Variants in PCBP3 observed in about 807,000 individuals in gnomAD.
PCBP3 encodes the protein poly(rC)-binding protein 3.
PCBP3 carries 25 observed loss-of-function variants against 52.7 expected under a neutral mutation model. The observed-to-expected ratio is 0.47, with a 90% confidence interval of 0.35 to 0.66. The LOEUF (loss-of-function observed/expected upper bound fraction) is 0.66. Ranked by LOEUF, PCBP3 falls within the 30% of genes least tolerant of loss-of-function variation. The pLI, the probability that PCBP3 is intolerant of heterozygous loss-of-function variation, is 0.01. For synonymous variants in PCBP3, 162 were observed against 183.0 expected (o/e 0.89, Z 0.93); for missense variants, 391 against 490.3 (o/e 0.80, Z 1.91).
chr21:45,839,600 T>C (rs1347018436), intron 4 of PCBP3, among the ~76,000 whole-genome samples: 1 of 152,258 alleles, frequency 6.6e-6, no homozygotes. Flanking sequence ...TTTTTCTCTT[T>C]AGTATCTTAA....
intron 7 of PCBP3, among the ~76,000 whole-genome samples, 156 bp downstream of exon 7, chr21:45,899,778 C>T (rs544602236): frequency 3.2e-4 from 48 of 152,230 alleles, no homozygotes; most frequent in African/African-American, 1.1e-3. Flanking sequence ...AGAGGTGTCG[C>T]CTTTATGCTG....
chr21:45,898,560 TCTACACGCCATCCTCACAGC>T (rs2095907589), intron 6 of PCBP3, among the ~76,000 whole-genome samples: 1 of 108,206 alleles, frequency 9.2e-6, no homozygotes, highest in East Asian at 4.5e-4. Context: ...CCAGCCTCCC[TCTACACGCCATCCTCACAGC>T]CTCCCTCTCC....
chr21:45,677,531 T>G (rs1376004445), intron 2 of PCBP3, among the ~76,000 whole-genome samples: 1 of 152,172 alleles, frequency 6.6e-6, no homozygotes, highest in Non-Finnish European at 1.5e-5. Context: ...AGAGAATAGA[T>G]GAAGGTAGCT....
intron 5 of PCBP3, among the ~76,000 whole-genome samples, chr21:45,879,285 A>T (rs1482751642): frequency 1.3e-5 from 2 of 152,244 alleles, no homozygotes; most frequent in Non-Finnish European, 2.9e-5. Flanking sequence ...GCGCCTGGCC[A>T]AGGAAATAGA....
chr21:45,813,267 C>G (rs902091522), intron 4 of PCBP3, among the ~76,000 whole-genome samples: 7 of 152,136 alleles, frequency 4.6e-5, no homozygotes, highest in African/African-American at 1.7e-4. Context: ...CTGTAGTTCC[C>G]TGGTTGCTTT....
rs2092738883 is a variant in PCBP3, at chr21:45,813,483, C to T, written c.-125-36478C>T. 3.3e-5 allele frequency among the ~76,000 whole-genome samples: 5 copies of T among 152,148 alleles called. No individual in the cohort carries two copies. The South Asian group carries it at 8.3e-4, about 25-fold the overall frequency. On this transcript the variant is annotated intron_variant, in intron 4 of 17. Transcript: ENST00000681687. ...TGGAAATGGAGTCTCCCTCTGTTGC[C>T]CAGGCTGGAGTGCAGTGGCACGATC...
At position 45,711,441 on chromosome 21, in the gene PCBP3, C is replaced by T. The variant is rs898262541; in HGVS notation, c.-199-23951C>T. Among the ~76,000 whole-genome samples, 4 of 152,158 alleles carry T rather than the reference C, an allele frequency of 2.6e-5. 1 individual carries two copies. In the South Asian group the frequency reaches 8.3e-4, roughly 32 times the overall value. ...CACACGGATTATTCTAGCCTTCTCC[C>T]CTTGCTGGCTTCTCACTCCAACAGT... On this transcript the variant is annotated intron_variant, in intron 2 of 17. Transcript: ENST00000681687.
rs574957186 is a variant in PCBP3, at chr21:45,928,795, A to T, written c.718-1122A>T. 1.3e-5 allele frequency among the ~76,000 whole-genome samples: 2 copies of T among 152,284 alleles called. No homozygotes were observed. The highest frequency in any genetic ancestry group is 2.9e-5 in the Non-Finnish European group (2 of 68,006). On this transcript the variant is annotated intron_variant, in intron 13 of 17. Transcript: ENST00000681687. The surrounding 1 kb of genome is among the most constrained non-coding windows in gnomAD (Gnocchi z 4.1). ...GGGTCGCAGGAGTCCACACACAGCCACGCTGGGATTTATTTGGGTTGAATG... is the reference window on the plus strand; with the variant it reads ...GGGTCGCAGGAGTCCACACACAGCCTCGCTGGGATTTATTTGGGTTGAATG...
At chr21:45,882,243 A>G (rs566851994) in intron 5 of PCBP3, among the ~76,000 whole-genome samples, 39 of 152,238 alleles carry the variant, frequency 2.6e-4, no homozygotes, top group African/African-American at 9.4e-4. Flanking sequence ...CCGATATCCC[A>G]TTGTGGTTTG....
chr21:45,857,966 C>T (rs2094366532), intron 5 of PCBP3, among the ~76,000 whole-genome samples: 1 of 152,172 alleles, frequency 6.6e-6, no homozygotes, highest in African/African-American at 2.4e-5. Context: ...GTTGCCTCCC[C>T]CCACAGCCAA....
At chr21:45,703,195 T>A (rs537450406) in intron 2 of PCBP3, among the ~76,000 whole-genome samples, 38 of 152,258 alleles carry the variant, frequency 2.5e-4, no homozygotes, top group Non-Finnish European at 4.7e-4. Flanking sequence ...CCAAACTCTG[T>A]TGATGTTGTG....
intron 5 of PCBP3, among the ~76,000 whole-genome samples, chr21:45,869,502 C>T (rs1436016251): frequency 6.6e-6 from 1 of 152,198 alleles, no homozygotes; most frequent in Non-Finnish European, 1.5e-5. Flanking sequence ...TGGCTGCTCC[C>T]TGGGACTCGA....
At chr21:45,789,525 G>C (rs2091395933) in intron 4 of PCBP3, among the ~76,000 whole-genome samples, 1 of 152,174 alleles carries the variant, frequency 6.6e-6, no homozygotes, top group African/African-American at 2.4e-5. Context: ...TGATGTTAAA[G>C]GAAAGATGAG....
chr21:45,722,053 G>C (rs980090244), intron 2 of PCBP3, among the ~76,000 whole-genome samples: 1 of 152,172 alleles, frequency 6.6e-6, no homozygotes, highest in Non-Finnish European at 1.5e-5. Context: ...TATGTACAGA[G>C]TATGTTCACT....
rs1296532403 is a variant in PCBP3 at position 45,917,982 on chromosome 21, C to T, written c.717+353C>T. 3 of 332,166 alleles carry T rather than the reference C, an allele frequency of 9.0e-6. No individual in the cohort carries two copies. The highest frequency in any genetic ancestry group is 1.7e-5 in the Non-Finnish European group (3 of 172,644). The allele number at this position is 332,166 out of a possible 1,614,324, so 20.6% of individuals were successfully genotyped here. On this transcript the variant is annotated intron_variant, in intron 13 of 17. Coordinates refer to ENST00000681687, the MANE Select transcript of PCBP3 (RefSeq NM_001384156.1). This position sits in a 1 kb window ranked among gnomAD's most constrained non-coding sequence, Gnocchi z 5.3. Reference sequence around the variant, plus strand: ...CAGGCAGGCGTCAGTGATACTTTCTCTGCGCCTAAGAAGTTGGGTGACATT... The same window carrying T: ...CAGGCAGGCGTCAGTGATACTTTCTTTGCGCCTAAGAAGTTGGGTGACATT...
At chr21:45,911,152 T>C in intron 11 of PCBP3, 122 bp downstream of exon 11, 1 of 1,153,412 alleles carries the variant, frequency 8.7e-7, no homozygotes, top group Non-Finnish European at 1.3e-6. Flanking sequence ...TGTGGGGGGC[T>C]CCTGACCCCA....
chr21:45,752,490 T>C (rs1701886043), intron 3 of PCBP3, among the ~76,000 whole-genome samples: 1 of 152,136 alleles, frequency 6.6e-6, no homozygotes. Context: ...TTTAGATATA[T>C]AGTACTTTTA....
In PCBP3 at chr21:45,737,315, G is replaced by T. The variant is rs180702511; in HGVS notation, c.-162+1886G>T. On this transcript the variant is annotated intron_variant, in intron 3 of 17. Transcript: ENST00000681687. This position sits in a 1 kb window ranked among gnomAD's most constrained non-coding sequence, Gnocchi z 4.9. ...TTTAGCTAAAGCTGCTGTAATACCT[G>T]TTTCTTAGAGGAATCCAAATCCCTG... Among the ~76,000 whole-genome samples, 1 of 152,180 alleles carries T rather than the reference G, an allele frequency of 6.6e-6. No homozygotes were observed. Among genetic ancestry groups the T allele is most frequent in the African/African-American group, 2.4e-5 (1 of 41,448 alleles).
At chr21:45,815,286 G>A (rs2092872164) in intron 4 of PCBP3, among the ~76,000 whole-genome samples, 1 of 67,258 alleles carries the variant, frequency 1.5e-5, no homozygotes. Flanking sequence ...AGTAGTGAGT[G>A]ATGAGTGGTG....
Sources: gnomAD v4.1 joint callset for allele counts (sites outside exome capture counted in the v4.1 genomes callset) on GRCh38, gnomAD v4.1.1 for gene constraint, Gnocchi (gnomAD v3.1) non-coding constraint, MANE v1.5 for transcripts, NCBI Gene and HGNC (gene_info 2026-07-23, HGNC 2026-07-21) for gene names.